GNAQ: variants seen among roughly 807,000 people sequenced by gnomAD.
GNAQ encodes the protein G protein subunit alpha q, also known as guanine nucleotide-binding protein G(q) subunit alpha.
Under a neutral mutation model 43.9 loss-of-function variants are expected in GNAQ, and 8 were observed. That is an observed-to-expected ratio of 0.18 (90% CI 0.11 to 0.33). The LOEUF (loss-of-function observed/expected upper bound fraction) is 0.33, where lower values mean the gene tolerates loss of function less well. Among genes scored for constraint, GNAQ ranks in the 10% least tolerant of loss-of-function variants. GNAQ has a pLI of 1.00. For synonymous variants in GNAQ, 155 were observed against 170.7 expected, an observed-to-expected ratio of 0.91 and a Z score of 0.71; for missense variants, 158 against 450.8, an observed-to-expected ratio of 0.35 and a Z score of 5.88.
intron 5 of GNAQ, among the ~76,000 whole-genome samples, chr9:77,785,613 T>C (rs1826464547): frequency 6.6e-6 from 1 of 152,218 alleles, no homozygotes; most frequent in Non-Finnish European, 1.5e-5. Context: ...TGAATACTTA[T>C]AATCTGTATA....
intron 1 of GNAQ, among the ~76,000 whole-genome samples, chr9:78,010,201 G>A (rs903957359): frequency 5.9e-5 from 9 of 152,166 alleles, no homozygotes; most frequent in African/African-American, 2.2e-4. Flanking sequence ...TGCTTTATGA[G>A]AAATGATGGC....
chr9:77,781,456 T>C (rs2118404427), intron 5 of GNAQ, among the ~76,000 whole-genome samples: 1 of 152,188 alleles, frequency 6.6e-6, no homozygotes, highest in East Asian at 1.9e-4. Context: ...ATCTTAGCAA[T>C]TATCTACAAT....
At chr9:77,780,617 A>G (rs771520759) in intron 5 of GNAQ, among the ~76,000 whole-genome samples, 18 of 151,916 alleles carry the variant, frequency 1.2e-4, no homozygotes, top group Admixed American at 7.2e-4. Context: ...TTTGCTTTGG[A>G]TAAAGGCCCT....
chr9:77,721,541 T>C, intron 6 of GNAQ, 28 bp from the exon 7 acceptor site: 1 of 1,361,514 alleles, frequency 7.3e-7, no homozygotes, highest in South Asian at 1.2e-5. Flanking sequence ...AGAGGGACAC[T>C]TTGTTACCTA....
At chr9:78,000,612 C>T (rs1486130571) in intron 1 of GNAQ, among the ~76,000 whole-genome samples, 2 of 152,128 alleles carry the variant, frequency 1.3e-5, no homozygotes, top group African/African-American at 4.8e-5. Flanking sequence ...CACCAACAAG[C>T]ATAGTAATTC....
intron 2 of GNAQ, among the ~76,000 whole-genome samples, chr9:77,838,992 A>C (rs1452984466): frequency 1.3e-5 from 2 of 152,172 alleles, no homozygotes; most frequent in Non-Finnish European, 2.9e-5. Flanking sequence ...CATTAAGAGA[A>C]GAGTAGTCAT....
intron 2 of GNAQ, among the ~76,000 whole-genome samples, chr9:77,912,717 T>TA (rs1443215579): frequency 2.6e-5 from 4 of 152,100 alleles, no homozygotes; most frequent in South Asian, 4.1e-4. Flanking sequence ...GGAAAAAGGG[T>TA]AAAAAATTAA....
In GNAQ at chr9:77,721,242, T is replaced by A; in HGVS notation, c.*81A>T. On this transcript the variant is annotated 3_prime_UTR_variant, in exon 7 of 7. Coordinates refer to ENST00000286548, the MANE Select transcript of GNAQ (RefSeq NM_002072.5). ...CAATAAATTAGTATTATGCAAATTG[T>A]TTTCCACAGAAATACAGTCCCTCTT... 2.3e-6 allele frequency: 2 copies of A among 880,780 alleles called. No homozygotes were observed. Among genetic ancestry groups the A allele is most frequent in the Non-Finnish European group, 3.6e-6 (2 of 559,686 alleles). 54.6% of individuals were successfully genotyped at this position (880,780 alleles called of 1,614,324 possible). A position where few individuals can be genotyped will look rare whatever the true frequency, so the allele number is the denominator to read the frequency against.
chr9:77,904,276 A>G (rs540360590), intron 2 of GNAQ, among the ~76,000 whole-genome samples: 3 of 150,092 alleles, frequency 2.0e-5, no homozygotes, highest in Admixed American at 6.6e-5. Context: ...TTCTAGAACA[A>G]AAGAGATATG....
intron 1 of GNAQ, among the ~76,000 whole-genome samples, chr9:77,941,819 T>C (rs1190883873): frequency 6.6e-6 from 1 of 151,948 alleles, no homozygotes; most frequent in Non-Finnish European, 1.5e-5. Context: ...CTGTTGACAA[T>C]ATATTGCCAA....
intron 1 of GNAQ, among the ~76,000 whole-genome samples, chr9:78,001,324 C>G (rs1823641304): frequency 6.6e-6 from 1 of 151,962 alleles, no homozygotes; most frequent in African/African-American, 2.4e-5. Context: ...TTGCTTTAAC[C>G]TGGGAGGCAG....
chr9:78,006,460 G>A (rs915893278), intron 1 of GNAQ, among the ~76,000 whole-genome samples: 6 of 152,116 alleles, frequency 3.9e-5, no homozygotes, highest in African/African-American at 1.2e-4. Flanking sequence ...GCAATAAGAA[G>A]TAAACCTACT....
chr9:77,752,415 G>A (rs1427182340), intron 5 of GNAQ, among the ~76,000 whole-genome samples: 2 of 152,218 alleles, frequency 1.3e-5, no homozygotes, highest in African/African-American at 4.8e-5. Context: ...TGCACCGGGA[G>A]GTAGAGTAGG....
intron 2 of GNAQ, among the ~76,000 whole-genome samples, chr9:77,841,409 T>A (rs1402363508): frequency 1.3e-5 from 2 of 152,206 alleles, no homozygotes; most frequent in East Asian, 3.9e-4. Context: ...TCAGTATATA[T>A]TTAAACCAGC....
chr9:78,006,717 G>C (rs957707700), intron 1 of GNAQ, among the ~76,000 whole-genome samples: 4 of 152,136 alleles, frequency 2.6e-5, no homozygotes, highest in African/African-American at 4.8e-5. Context: ...TGTGTGTTTA[G>C]AACTGTCTAA....
intron 1 of GNAQ, among the ~76,000 whole-genome samples, chr9:77,931,483 C>CA (rs1829150272): frequency 6.6e-6 from 1 of 151,874 alleles, no homozygotes; most frequent in Non-Finnish European, 1.5e-5. Context: ...CCCAGCTACT[C>CA]AGGAGGCTGA....
At chr9:78,025,613 T>C (rs950027075) in intron 1 of GNAQ, among the ~76,000 whole-genome samples, 6 of 152,186 alleles carry the variant, frequency 3.9e-5, no homozygotes, top group Admixed American at 3.3e-4. Context: ...CAAACTTGTA[T>C]TTTCCTCAAC....
chr9:77,899,895 G>C (rs528053721), intron 2 of GNAQ, among the ~76,000 whole-genome samples: 42 of 152,304 alleles, frequency 2.8e-4, no homozygotes, highest in African/African-American at 8.4e-4. Context: ...GATCCCTGCC[G>C]CCTCAAAAGC....
At chr9:77,974,576 G>C (rs1823275973) in intron 1 of GNAQ, among the ~76,000 whole-genome samples, 1 of 152,102 alleles carries the variant, frequency 6.6e-6, no homozygotes, top group African/African-American at 2.4e-5. Flanking sequence ...ATAAAACTGA[G>C]GCACAGAAAG....
Sources: gnomAD v4.1 joint callset for allele counts (sites outside exome capture counted in the v4.1 genomes callset) on GRCh38, gnomAD v4.1.1 for gene constraint, MANE v1.5 for transcripts, NCBI Gene and HGNC (gene_info 2026-07-23, HGNC 2026-07-21) for gene names.